Variants in CPM observed in about 807,000 individuals in gnomAD.
The protein encoded by CPM is carboxypeptidase M.
In CPM, 35 loss-of-function variants were observed where a neutral mutation model predicts 46.4. The observed-to-expected ratio is 0.75, with a 90% CI of 0.58 to 1.00. The LOEUF is 1.00. Ranked by LOEUF, CPM falls within the 50% of genes least tolerant of loss-of-function variation. The pLI is 0.00. For synonymous variants in CPM, 195 were observed against 195.3 expected, an observed-to-expected ratio of 1.00 and a Z score of 0.01; for missense variants, 422 against 530.4, an observed-to-expected ratio of 0.80 and a Z score of 2.01.
upstream of CPM, among the ~76,000 whole-genome samples, chr12:68,935,334 C>T (rs1379203156): frequency 1.3e-5 from 2 of 152,138 alleles, no homozygotes; most frequent in African/African-American, 2.4e-5. Flanking sequence ...AATCTCAGCT[C>T]ACTGCAGCCT....
At chr12:68,944,941 C>T (rs376597658) in intron 1 of CPM, among the ~76,000 whole-genome samples, 7 of 152,114 alleles carry the variant, frequency 4.6e-5, no homozygotes, top group African/African-American at 1.7e-4. Context: ...GTGGGGGCCA[C>T]AGGACCAGTT....
intron 1 of CPM, among the ~76,000 whole-genome samples, chr12:68,948,726 GGTAATTCA>G (rs1476103564): frequency 3.3e-5 from 5 of 152,158 alleles, no homozygotes. Flanking sequence ...TGCAATTAAG[GGTAATTCA>G]GTAAGGATTT....
At chr12:68,864,610 C>T (rs1885353714) in intron 7 of CPM, among the ~76,000 whole-genome samples, 1 of 152,146 alleles carries the variant, frequency 6.6e-6, no homozygotes, top group Non-Finnish European at 1.5e-5. Context: ...ATAATCTTTA[C>T]AGCTAGATTG....
At chr12:68,842,405 A>G in intron 5 of CPM, 2 of 484,648 alleles carry the variant, frequency 4.1e-6, no homozygotes, top group South Asian at 1.6e-5. Flanking sequence ...ATTATCTATA[A>G]CCATTTCTAT....
At chr12:68,903,786 A>G (rs1490810761) in intron 2 of CPM, among the ~76,000 whole-genome samples, 2 of 152,156 alleles carry the variant, frequency 1.3e-5, no homozygotes, top group Non-Finnish European at 2.9e-5. Flanking sequence ...TATACAAGTC[A>G]GGCCTCCCTC....
intron 2 of CPM, 89 bp from the exon 3 acceptor site, chr12:68,885,978 C>T: frequency 1.9e-6 from 2 of 1,050,216 alleles, no homozygotes; most frequent in East Asian, 2.4e-5. Context: ...CAGGATGCTG[C>T]TTCCCCCACT....
chr12:68,878,980 G>A (rs912383019), intron 3 of CPM, among the ~76,000 whole-genome samples: 7 of 152,188 alleles, frequency 4.6e-5, no homozygotes, highest in African/African-American at 1.7e-4. Context: ...TTGAGGCCAG[G>A]AGTTTGAGAA....
intron 3 of CPM, among the ~76,000 whole-genome samples, chr12:68,885,093 G>A (rs747721036): frequency 5.3e-5 from 8 of 152,034 alleles, no homozygotes; most frequent in African/African-American, 1.2e-4. Flanking sequence ...ACAGGTATGC[G>A]CCACCACACC....
rs7138844 is a variant in CPM, at chr12:68,892,864, C to A, written c.161-6975G>T. On this transcript the variant is annotated intron_variant, in intron 2 of 8. Transcript: ENST00000551568. ...TCTCAAAACAAACAAAAAAACAAAC[C>A]GAAAAGAAAGTAGGGTAAGCACGTT... is the stretch of plus-strand genomic sequence containing the variant. 4.7e-4 allele frequency among the ~76,000 whole-genome samples: 72 copies of A among 151,782 alleles called. 1 individual carries two copies. Among genetic ancestry groups the A allele is most frequent in the Non-Finnish European group, 1.5e-5 (1 of 67,950 alleles).
intron 2 of CPM, among the ~76,000 whole-genome samples, chr12:68,908,493 G>A (rs1393437170): frequency 6.7e-6 from 1 of 149,784 alleles, no homozygotes; most frequent in Non-Finnish European, 1.5e-5. Flanking sequence ...TCCACTTTCT[G>A]AGTGTCTCTT....
intron 1 of CPM, among the ~76,000 whole-genome samples, chr12:68,950,270 C>T (rs1888913321): frequency 1.3e-5 from 2 of 152,146 alleles, no homozygotes; most frequent in South Asian, 4.1e-4. Flanking sequence ...GGTATATCTT[C>T]ATTCGCCCAA....
At chr12:68,900,511 C>T (rs1887069861) in intron 2 of CPM, among the ~76,000 whole-genome samples, 1 of 152,182 alleles carries the variant, frequency 6.6e-6, no homozygotes, top group South Asian at 2.1e-4. Context: ...GCCATATGAT[C>T]CAGCAAACAA....
intron 2 of CPM, among the ~76,000 whole-genome samples, chr12:68,929,098 A>G (rs967607283): frequency 2.0e-5 from 3 of 152,070 alleles, no homozygotes; most frequent in African/African-American, 7.2e-5. Flanking sequence ...TTTCATTGCT[A>G]TCTATTGATA....
chr12:68,932,945 C>T, intron 1 of CPM, 105 bp from the exon 2 acceptor site: 3 of 1,007,830 alleles, frequency 3.0e-6, no homozygotes, highest in Middle Eastern at 3.3e-4. Context: ...CCGACACTGA[C>T]GCTCCCTGCC....
chr12:68,916,006 T>C (rs1309431641), intron 2 of CPM, among the ~76,000 whole-genome samples: 1 of 152,228 alleles, frequency 6.6e-6, no homozygotes, highest in African/African-American at 2.4e-5. Flanking sequence ...GGCATTGCTT[T>C]CATTTTCCCA....
chr12:68,861,863 T>C lies in CPM; in HGVS notation c.941-2792A>G, dbSNP rs558677305. ...CATTCTTTAACATTGGAGATAATGA[T>C]GAAATAGAATTCAGGGTACTAGTAA... On this transcript the variant is annotated intron_variant, in intron 7 of 8. Coordinates refer to ENST00000551568, the MANE Select transcript of CPM (RefSeq NM_198320.5). Among the ~76,000 whole-genome samples the C allele has an allele frequency of 3.2e-5, 4 of 123,258 alleles. No homozygotes were observed. The South Asian group carries it at 7.2e-4, about 22-fold the overall frequency. 80.9% of individuals were successfully genotyped at this position (123,258 alleles called of 152,430 possible). A position where few individuals can be genotyped will look rare whatever the true frequency, so the allele number is the denominator to read the frequency against.
intron 1 of CPM, among the ~76,000 whole-genome samples, chr12:68,939,638 G>A (rs187202427): frequency 1.3e-5 from 2 of 151,914 alleles, no homozygotes; most frequent in Admixed American, 6.6e-5. Context: ...CTGTAATAAC[G>A]AGTCAGGATT....
downstream of CPM, chr12:68,847,614 T>C (rs975180957): frequency 6.6e-5 from 10 of 151,212 alleles, no homozygotes; most frequent in Middle Eastern, 3.4e-3. Context: ...CCACCGCGCC[T>C]GGCTAATTTT....
intron 1 of CPM, among the ~76,000 whole-genome samples, chr12:68,945,403 G>C (rs1005602603): frequency 2.6e-5 from 4 of 152,160 alleles, no homozygotes; most frequent in African/African-American, 9.7e-5. Flanking sequence ...CTTTGCAAAG[G>C]TGGTTTCAGT....
Sources: gnomAD v4.1 joint callset for allele counts (sites outside exome capture counted in the v4.1 genomes callset) on GRCh38, gnomAD v4.1.1 for gene constraint, MANE v1.5 for transcripts, NCBI Gene and HGNC (gene_info 2026-07-23, HGNC 2026-07-21) for gene names.